The following WDR37 variants were observed in gnomAD, a reference collection of about 807,000 sequenced individuals.
The protein encoded by WDR37 is WD repeat domain 37.
A neutral mutation model predicts 62.9 loss-of-function variants in WDR37; 19 were observed. The ratio of observed to expected loss-of-function variants is 0.30; its 90% CI spans 0.21 to 0.44. The LOEUF is 0.44. Among genes scored for constraint, WDR37 ranks in the 20% least tolerant of loss-of-function variants. The pLI is 1.00. For missense variants in WDR37, 474 were observed against 657.6 expected (o/e 0.72, Z 3.05); for synonymous variants, 250 against 260.9 (o/e 0.96, Z 0.40).
At chr10:1,082,306 A>C (rs762196148) in intron 5 of WDR37, among the ~76,000 whole-genome samples, 1 of 152,190 alleles carries the variant, frequency 6.6e-6, no homozygotes, top group Non-Finnish European at 1.5e-5. Context: ...GCGGGAACAC[A>C]AAAGTGTGTT....
At chr10:1,078,213 TAAAAATA>T (rs1271179614) in intron 3 of WDR37, among the ~76,000 whole-genome samples, 2 of 151,882 alleles carry the variant, frequency 1.3e-5, no homozygotes, top group African/African-American at 2.4e-5. Flanking sequence ...AGTAAATAAA[TAAAAATA>T]AAAAATAAAA....
At chr10:1,080,633 T>C (rs1407700000) in intron 5 of WDR37, among the ~76,000 whole-genome samples, 157 bp downstream of exon 5, 1 of 152,172 alleles carries the variant, frequency 6.6e-6, no homozygotes, top group Non-Finnish European at 1.5e-5. Context: ...TGGCTGGGCA[T>C]GGTGGCTCAT....
chr10:1,077,541 A>G (rs1833916614), intron 2 of WDR37, among the ~76,000 whole-genome samples: 1 of 152,176 alleles, frequency 6.6e-6, no homozygotes, highest in South Asian at 2.1e-4. Context: ...AGGATAGCGT[A>G]TGATGGCACT....
At chr10:1,078,218 A>AT (rs1833936033) in intron 3 of WDR37, among the ~76,000 whole-genome samples, 1 of 152,162 alleles carries the variant, frequency 6.6e-6, no homozygotes, top group Admixed American at 6.6e-5. Flanking sequence ...ATAAATAAAA[A>AT]TAAAAAATAA....
intron 2 of WDR37, among the ~76,000 whole-genome samples, chr10:1,076,368 T>C (rs1051740984): frequency 5.9e-5 from 9 of 152,136 alleles, no homozygotes; most frequent in South Asian, 4.1e-4. Flanking sequence ...TTAATAAATA[T>C]AGTGCATCTT....
chr10:1,123,924 T>C lies in WDR37; in HGVS notation c.1104-294T>C, dbSNP rs530205045. 33 of 334,192 alleles carry C rather than the reference T, an allele frequency of 9.9e-5. No homozygotes were observed. In the Admixed American group the frequency reaches 1.4e-3, roughly 14 times the overall value. 20.7% of individuals were successfully genotyped at this position (334,192 alleles called of 1,614,324 possible). On this transcript the variant is annotated intron_variant, in intron 11 of 13. Transcript: ENST00000263150. ...GCCATAGACCCAGATGTGTAGACAT[T>C]TGGGCATGTTCTGTCCAACCCTACT...
At position 1,129,334 on chromosome 10, in the gene WDR37, A is replaced by T. The variant is rs1835907225; in HGVS notation, c.1475A>T (p.Gln492Leu). The T allele has an allele frequency of 6.2e-7, 1 of 1,614,054 alleles. No homozygotes were observed. The highest frequency in any genetic ancestry group is 8.5e-7 in the Non-Finnish European group (1 of 1,179,998). Residue 492 changes from glutamine to leucine, a missense_variant, in exon 14 of 14, where the codon CAA (glutamine) becomes CTA (leucine). Physicochemically the swap from Gln to Leu is moderately radical, Grantham distance 113 (BLOSUM62 -2). Transcript: ENST00000263150. ...GWNINIPALL[Q>L]EK ...AACATCAACATCCCTGCATTGCTAC[A>T]AGAAAAATAAGGACACCGGCAGCCC...
Position 1,103,733 on chromosome 10 carries a change from C to T in WDR37, c.858C>T (p.Ala286=). Residue 286 remains alanine, a synonymous_variant, in exon 10 of 14, where the codon GCC becomes GCT. Transcript: ENST00000263150. The surrounding 1 kb of genome is among the most constrained non-coding windows in gnomAD (Gnocchi z 6.3). ...SLKSHQGVVI[A]SDWLVGGKQA... ...AGAGCCACCAGGGCGTGGTCATCGC[C>T]TCCGACTGGCTGGTTGGGGGGAAGC... 6.2e-7 allele frequency: 1 copy of T among 1,614,264 alleles called. No individual in the cohort carries two copies. Among genetic ancestry groups the T allele is most frequent in the Non-Finnish European group, 8.5e-7 (1 of 1,180,044 alleles).
chr10:1,121,013 C>T lies in WDR37; in HGVS notation c.1104-3205C>T, dbSNP rs543012640. ...TCAGCTGGAGGAGCACGCTCGGCTG[C>T]CCCACACGACAAGATAAATGAGTTT... On this transcript the variant is annotated intron_variant, in intron 11 of 13. Coordinates refer to ENST00000263150, the MANE Select transcript of WDR37 (RefSeq NM_014023.4). This position sits in a 1 kb window ranked among gnomAD's most constrained non-coding sequence, Gnocchi z 4.5. Among the ~76,000 whole-genome samples the T allele has an allele frequency of 2.1e-4, 32 of 152,324 alleles. No homozygotes were observed. In the South Asian group the frequency reaches 3.9e-3, roughly 19 times the overall value.
In WDR37 at chr10:1,124,371, TTAAG is replaced by T; in HGVS notation, c.1238+25_1238+28del. On this transcript the variant is annotated intron_variant, in intron 12 of 13. Coordinates refer to ENST00000263150, the MANE Select transcript of WDR37 (RefSeq NM_014023.4). ...TTAACAGGTAAAGTCAAACTGTTGGTTAAGTAAGTGGCTTAGTTTGATGTGAAAG... is the reference window on the plus strand; with the variant it reads ...TTAACAGGTAAAGTCAAACTGTTGGTTAAGTGGCTTAGTTTGATGTGAAAG... 6.2e-7 allele frequency: 1 copy of T among 1,614,010 alleles called. No homozygotes were observed. Among genetic ancestry groups the T allele is most frequent in the Admixed American group, 1.7e-5 (1 of 60,030 alleles).
intron 11 of WDR37, among the ~76,000 whole-genome samples, chr10:1,107,755 C>G (rs1835070816): frequency 6.6e-6 from 1 of 151,704 alleles, no homozygotes; most frequent in African/African-American, 2.4e-5. Context: ...GTCTGTAACA[C>G]ACAACACGCA....
At chr10:1,079,145 C>T (rs945166555) in intron 3 of WDR37, among the ~76,000 whole-genome samples, 7 of 151,748 alleles carry the variant, frequency 4.6e-5, no homozygotes, top group South Asian at 4.2e-4. Context: ...AGTGCAGTGG[C>T]GTGATCTGGG....
intron 3 of WDR37, among the ~76,000 whole-genome samples, chr10:1,079,799 A>G (rs571093888): frequency 1.3e-5 from 2 of 152,328 alleles, no homozygotes; most frequent in East Asian, 3.9e-4. Context: ...TGCTGGGATT[A>G]CAGACGTGAG....
At position 1,056,780 on chromosome 10, in the gene WDR37, C is replaced by T. The variant is rs564173635; in HGVS notation, c.-229C>T. ...TTCCGGAGAACCCAGCGGCGCGGGA[C>T]TGGGGCGGGACTTCCGGCGACACCG... On this transcript the variant is annotated 5_prime_UTR_variant, in exon 1 of 14. Coordinates refer to ENST00000263150, the MANE Select transcript of WDR37 (RefSeq NM_014023.4). The T allele has an allele frequency of 6.6e-6, 1 of 152,362 alleles. No individual in the cohort carries two copies. The highest frequency in any genetic ancestry group is 2.4e-5 in the African/African-American group (1 of 41,562). 9.4% of individuals were successfully genotyped at this position (152,362 alleles called of 1,614,324 possible).
chr10:1,070,117 A>G (rs935740125), intron 1 of WDR37, among the ~76,000 whole-genome samples: 1 of 150,592 alleles, frequency 6.6e-6, no homozygotes, highest in Non-Finnish European at 1.5e-5. Context: ...GAGGCACGAG[A>G]TTCTTGCTTG....
intron 9 of WDR37, among the ~76,000 whole-genome samples, chr10:1,100,831 GC>G (rs1834769231): frequency 6.6e-6 from 1 of 152,170 alleles, no homozygotes; most frequent in Admixed American, 6.5e-5. Context: ...ATCACCCCCT[GC>G]CTTCAAGGTG....
At chr10:1,104,272 G>C (rs1262397586) in intron 10 of WDR37, among the ~76,000 whole-genome samples, 1 of 152,208 alleles carries the variant, frequency 6.6e-6, no homozygotes, top group Non-Finnish European at 1.5e-5. Flanking sequence ...CCTCTTCCAA[G>C]CCTGCTGGTC....
In WDR37 at chr10:1,091,069, CAG is replaced by C. The variant is rs149466850; in HGVS notation, c.605-2382_605-2381del. 3.0e-3 allele frequency among the ~76,000 whole-genome samples: 452 copies of C among 152,282 alleles called. 1 individual carries two copies. Among genetic ancestry groups the C allele is most frequent in the East Asian group, 0.021 (108 of 5,186 alleles). ...TGATTCTGTGCCGATTTTGTAAGAT[CAG>C]GGGTCAGTTTTCACACTATTTTGAG... On this transcript the variant is annotated intron_variant, in intron 7 of 13. Transcript: ENST00000263150.
chr10:1,127,027 A>G (rs928736604), intron 13 of WDR37, among the ~76,000 whole-genome samples: 2 of 152,220 alleles, frequency 1.3e-5, no homozygotes, highest in African/African-American at 4.8e-5. Context: ...AGCATCACTC[A>G]TGTGTCCTCA....
Sources: gnomAD v4.1 joint callset for allele counts (sites outside exome capture counted in the v4.1 genomes callset) on GRCh38, gnomAD v4.1.1 for gene constraint, Gnocchi (gnomAD v3.1) non-coding constraint, MANE v1.5 for transcripts, NCBI Gene and HGNC (gene_info 2026-07-23, HGNC 2026-07-21) for gene names.